LCP2: variants seen among roughly 807,000 people sequenced by gnomAD.
The protein encoded by LCP2 is 76 kDa tyrosine phosphoprotein.
Under a neutral mutation model 74.5 loss-of-function variants are expected in LCP2, and 29 were observed. That is an observed-to-expected ratio of 0.39 (90% CI 0.29 to 0.53). LCP2 has a LOEUF of 0.53. Ranked by LOEUF, LCP2 falls within the 20% of genes least tolerant of loss-of-function variation. The pLI is 0.72. For missense variants in LCP2, 604 were observed against 634.6 expected, an observed-to-expected ratio of 0.95 and a Z score of 0.52; for synonymous variants, 228 against 229.5, an observed-to-expected ratio of 0.99 and a Z score of 0.06.
intron 1 of LCP2, among the ~76,000 whole-genome samples, chr5:170,296,968 T>C (rs928873436): frequency 6.6e-6 from 1 of 152,228 alleles, no homozygotes; most frequent in Admixed American, 6.5e-5. Flanking sequence ...ATGCTGTGTC[T>C]GGCACTGCTC....
intron 8 of LCP2, chr5:170,267,431 G>C (rs1026875944): frequency 3.1e-6 from 1 of 318,036 alleles, no homozygotes. Context: ...GTACTCATGG[G>C]GTCCCTACCA....
intron 13 of LCP2, 83 bp downstream of exon 13, chr5:170,262,552 C>T (rs966663596): frequency 9.2e-5 from 93 of 1,008,458 alleles, no homozygotes; most frequent in African/African-American, 3.3e-4. Flanking sequence ...CGAGGAGCCT[C>T]GGTTCCCACT....
At chr5:170,258,932 T>A (rs2113160920) in intron 14 of LCP2, 54 bp from the exon 15 acceptor site, 1 of 1,293,492 alleles carries the variant, frequency 7.7e-7, no homozygotes, top group Non-Finnish European at 1.1e-6. Flanking sequence ...ATACAATTCT[T>A]AAAATAAAAA....
Position 170,268,488 on chromosome 5 carries a change from G to A in LCP2, c.524-6C>T. On this transcript the variant is annotated splice_polypyrimidine_tract_variant and splice_region_variant and intron_variant, in intron 7 of 20. Transcript: ENST00000046794. Reference sequence around the variant, plus strand: ...TTTCCCAGAGGGGGGCCGGTCTGTGGAAACACAAGGTTATTAAAGTGAAAG... The same window carrying A: ...TTTCCCAGAGGGGGGCCGGTCTGTGAAAACACAAGGTTATTAAAGTGAAAG... 1 of 270,852 alleles carries A rather than the reference G, an allele frequency of 3.7e-6. No individual in the cohort carries two copies. 16.8% of individuals were successfully genotyped at this position (270,852 alleles called of 1,614,324 possible).
intron 16 of LCP2, 76 bp downstream of exon 16, chr5:170,257,961 T>G: frequency 6.7e-7 from 1 of 1,496,256 alleles, no homozygotes; most frequent in Non-Finnish European, 9.3e-7. Context: ...TCTTTCTCAA[T>G]CTGCCTGGCA....
Position 170,275,328 on chromosome 5 carries a change from T to G in LCP2, c.278A>C (p.Glu93Ala), listed in dbSNP as rs1434294392. The G allele has an allele frequency of 6.2e-7, 1 of 1,613,982 alleles. No homozygotes were observed. Among genetic ancestry groups the G allele is most frequent in the Admixed American group, 1.7e-5 (1 of 60,022 alleles). The change falls in exon 5 of 21, where the codon GAA becomes GCA. Residue 93 changes from glutamate (E) to alanine (A), a missense_variant. Physicochemically the swap from Glu to Ala is moderately radical, Grantham distance 107. Transcript: ENST00000046794. The part of the protein sequence containing the change: ...TRKPQVPRFP[E>A]ETESHEEDNG... ...AGCCCTGAGAGCTTTACCTGTCTCT[T>G]CAGGAAACCGCGGGACTTGGGGTCT...
At chr5:170,270,663 G>A (rs1761880921) in intron 7 of LCP2, 56 bp downstream of exon 7, 2 of 1,459,742 alleles carry the variant, frequency 1.4e-6, no homozygotes, top group East Asian at 2.5e-5. Flanking sequence ...CCATGCAGCA[G>A]TGGCGAGCTT....
chr5:170,281,837 C>CTAAT (rs1488792878), intron 3 of LCP2, among the ~76,000 whole-genome samples: 4 of 152,202 alleles, frequency 2.6e-5, no homozygotes, highest in African/African-American at 7.2e-5. Context: ...CATCCAATAC[C>CTAAT]TAATTGCTGC....
At chr5:170,281,577 C>G (rs987404484) in intron 3 of LCP2, among the ~76,000 whole-genome samples, 3 of 152,234 alleles carry the variant, frequency 2.0e-5, no homozygotes, top group Non-Finnish European at 4.4e-5. Context: ...TGGCCACATT[C>G]TTTAACAGGC....
chr5:170,267,165 C>T (rs1314793399), intron 8 of LCP2, 90 bp from the exon 9 acceptor site: 9 of 1,286,038 alleles, frequency 7.0e-6, no homozygotes, highest in Non-Finnish European at 1.0e-5. Context: ...CTCACTTTTC[C>T]TCATCTTCAT....
chr5:170,262,710 T>C lies in LCP2; in HGVS notation c.851A>G (p.Lys284Arg). Residue 284 changes from lysine (K) to arginine (R), a missense_variant, in exon 13 of 21, where the codon AAG becomes AGG. Transcript: ENST00000046794. The part of the protein sequence containing the change: ...SLGEHLPKIQ[K>R]PPLPPTTERH... Reference sequence around the variant, plus strand: ...TTCCGTGGTCGGTGGTAAAGGAGGCTTTTGAATCTTGGGTAAATGCTCCCC... The same window carrying C: ...TTCCGTGGTCGGTGGTAAAGGAGGCCTTTGAATCTTGGGTAAATGCTCCCC... 6.2e-7 allele frequency: 1 copy of C among 1,613,934 alleles called. No individual in the cohort carries two copies. Among genetic ancestry groups the C allele is most frequent in the Non-Finnish European group, 8.5e-7 (1 of 1,179,852 alleles).
intron 3 of LCP2, among the ~76,000 whole-genome samples, chr5:170,277,293 A>T (rs1762023519): frequency 6.6e-6 from 1 of 152,022 alleles, no homozygotes; most frequent in African/African-American, 2.4e-5. Flanking sequence ...GCCTATGAGA[A>T]CGGCTCATGA....
intron 1 of LCP2, among the ~76,000 whole-genome samples, chr5:170,297,156 C>CT (rs1762404350): frequency 1.3e-5 from 2 of 152,214 alleles, no homozygotes; most frequent in Non-Finnish European, 2.9e-5. Context: ...GCCTCTATCA[C>CT]ATGTAGTCCC....
chr5:170,262,540 A>G, intron 13 of LCP2, 95 bp downstream of exon 13: 1 of 861,048 alleles, frequency 1.2e-6, no homozygotes, highest in Non-Finnish European at 1.8e-6. Flanking sequence ...GCCCGGGAGC[A>G]CCGAGGAGCC....
chr5:170,267,340 G>A, intron 8 of LCP2: 1 of 556,870 alleles, frequency 1.8e-6, no homozygotes, highest in East Asian at 3.0e-5. Flanking sequence ...AAACAAAATT[G>A]AAACTCGTTA....
At chr5:170,260,590 G>GAGAT (rs1761633629) in intron 14 of LCP2, among the ~76,000 whole-genome samples, 1 of 152,200 alleles carries the variant, frequency 6.6e-6, no homozygotes, top group Non-Finnish European at 1.5e-5. Context: ...TCCTAGGATG[G>GAGAT]AGATAGTTCT....
intron 14 of LCP2, among the ~76,000 whole-genome samples, chr5:170,260,239 T>C (rs1450974985): frequency 6.6e-6 from 1 of 152,240 alleles, no homozygotes; most frequent in Non-Finnish European, 1.5e-5. Context: ...CGTGATTGCA[T>C]GCTGTCTGGC....
At position 170,248,664 on chromosome 5, in the gene LCP2, AG is replaced by A. The variant is rs1761354063; in HGVS notation, c.*32del. The A allele has an allele frequency of 1.2e-6, 2 of 1,604,004 alleles. No homozygotes were observed. The highest frequency in any genetic ancestry group is 1.7e-6 in the Non-Finnish European group (2 of 1,175,890). On this transcript the variant is annotated 3_prime_UTR_variant, in exon 21 of 21. Transcript: ENST00000046794. ...TTGATCTCGTGTTGGCAACAGAGGC[AG>A]GAGGACGGTTCATTTGCTCGGCTAT... is the stretch of plus-strand genomic sequence containing the variant.
At chr5:170,258,810 G>C in intron 15 of LCP2, 56 bp downstream of exon 15, 4 of 1,339,066 alleles carry the variant, frequency 3.0e-6, no homozygotes, top group Non-Finnish European at 4.2e-6. Context: ...TTGAATGCCT[G>C]AGCAGGAAAA....
Sources: allele counts gnomAD v4.1 joint callset (sites outside exome capture counted in the v4.1 genomes callset), GRCh38; gene constraint gnomAD v4.1.1; transcripts MANE v1.5; gene names NCBI Gene and HGNC (gene_info 2026-07-23, HGNC 2026-07-21).